KLF7: variants seen among roughly 807,000 people sequenced by gnomAD.
KLF7 encodes the protein KLF transcription factor 7, also known as Krueppel-like factor 7.
A neutral mutation model predicts 27.3 loss-of-function variants in KLF7; 2 were observed. The ratio of observed to expected loss-of-function variants is 0.07; its 90% CI spans 0.03 to 0.23. The LOEUF is 0.23. KLF7 is among the 10% of genes least tolerant of loss of function. The pLI is 1.00. For synonymous variants in KLF7, 165 were observed against 162.4 expected (o/e 1.02, Z -0.12); for missense variants, 221 against 394.1 (o/e 0.56, Z 3.72).
chr2:207,123,692 C>T, intron 2 of KLF7, 82 bp downstream of exon 2: 1 of 1,480,384 alleles, frequency 6.8e-7, no homozygotes. Flanking sequence ...TGCCACTCCT[C>T]AGAACAAAGA....
At chr2:207,146,370 T>C (rs973710415) in intron 1 of KLF7, among the ~76,000 whole-genome samples, 1 of 152,236 alleles carries the variant, frequency 6.6e-6, no homozygotes, top group Non-Finnish European at 1.5e-5. Context: ...AGTCACTTTC[T>C]GGCCTATGCT....
chr2:207,149,645 G>A (rs1478850572), intron 1 of KLF7, among the ~76,000 whole-genome samples: 1 of 152,162 alleles, frequency 6.6e-6, no homozygotes, highest in African/African-American at 2.4e-5. Context: ...TGACACCTGG[G>A]CTCCCCAATC....
Position 207,124,408 on chromosome 2 carries a change from C to T in KLF7, c.103-4G>A, listed in dbSNP as rs1490780526. The T allele has an allele frequency of 6.5e-7, 1 of 1,545,058 alleles. No homozygotes were observed. The highest frequency in any genetic ancestry group is 1.9e-5 in the Admixed American group (1 of 52,188). ...AGCGTTCCAATTCAAGGCATGTCTG[C>T]AAGAGGAAGAAGGAGGGAGAGAAAC... On this transcript the variant is annotated splice_polypyrimidine_tract_variant and splice_region_variant and intron_variant, in intron 1 of 3. Transcript: ENST00000309446.
chr2:207,157,626 G>A (rs978631696), intron 1 of KLF7, among the ~76,000 whole-genome samples: 2 of 152,162 alleles, frequency 1.3e-5, no homozygotes, highest in African/African-American at 2.4e-5. Flanking sequence ...TTGAAAGCAG[G>A]CCACCTGGGG....
At chr2:207,168,001 G>A (rs1214868654), upstream of KLF7, among the ~76,000 whole-genome samples, 1 of 152,162 alleles carries the variant, frequency 6.6e-6, no homozygotes, top group African/African-American at 2.4e-5. Context: ...TTGCTAGTTT[G>A]TTACAAGGTC....
At chr2:207,103,494 T>C (rs1263608) in intron 2 of KLF7, among the ~76,000 whole-genome samples, 60,642 of 152,120 alleles carry the variant, frequency 0.4, 12,714 homozygotes, top group African/African-American at 0.52. Flanking sequence ...TGGGTCTTTG[T>C]CACAAAAGCT....
intron 2 of KLF7, among the ~76,000 whole-genome samples, chr2:207,111,288 C>G (rs964450413): frequency 2.6e-5 from 4 of 152,172 alleles, no homozygotes; most frequent in Admixed American, 2.6e-4. Flanking sequence ...TTCTTAGCCT[C>G]AGAAGTTCTT....
chr2:207,146,296 G>A (rs1428835352), intron 1 of KLF7, among the ~76,000 whole-genome samples: 1 of 152,058 alleles, frequency 6.6e-6, no homozygotes, highest in Non-Finnish European at 1.5e-5. Context: ...GGTTACTTTG[G>A]GGGAATTCAA....
intron 1 of KLF7, among the ~76,000 whole-genome samples, chr2:207,161,309 A>C (rs2078539178): frequency 6.6e-6 from 1 of 152,240 alleles, no homozygotes; most frequent in African/African-American, 2.4e-5. Context: ...TTTCAAATAA[A>C]GAAACAGATT....
Position 207,123,975 on chromosome 2 carries a change from C to T in KLF7, c.532G>A (p.Val178Met), listed in dbSNP as rs550809782. The change falls in exon 2 of 4, where the codon GTG becomes ATG. Residue 178 changes from valine (V) to methionine (M), a missense_variant. This residue lies in a region of KLF7 where 180 missense variants were observed against 227.9 expected (regional missense o/e 0.79). Transcript: ENST00000309446. ...AKKAALSSVKVGGVATAAAAV... is the reference protein window; with the variant it reads ...AKKAALSSVKMGGVATAAAAV... The stretch of plus-strand genomic sequence containing the variant: ...GCTGCAGCTGTTGCGACCCCTCCCA[C>T]CTTTACGGAGCTGAGAGCAGCCTTC... 6.2e-7 allele frequency: 1 copy of T among 1,614,232 alleles called. No homozygotes were observed. Among genetic ancestry groups the T allele is most frequent in the South Asian group, 1.1e-5 (1 of 91,084 alleles).
At chr2:207,088,391 GCTGCTCACC>G (rs763999747) in intron 3 of KLF7, 58 bp downstream of exon 3, 20 of 1,552,706 alleles carry the variant, frequency 1.3e-5, no homozygotes, top group Non-Finnish European at 1.8e-5. Flanking sequence ...GCACACGGGT[GCTGCTCACC>G]CTCCAACCCA....
chr2:207,130,135 G>C (rs948399378), intron 1 of KLF7, among the ~76,000 whole-genome samples: 2 of 93,156 alleles, frequency 2.1e-5, no homozygotes, highest in Non-Finnish European at 5.0e-5. Flanking sequence ...TTACCTAAAG[G>C]GTTTCTTTCC....
At chr2:207,133,744 A>AG (rs754937894) in intron 1 of KLF7, among the ~76,000 whole-genome samples, 1 of 151,914 alleles carries the variant, frequency 6.6e-6, no homozygotes, top group African/African-American at 2.4e-5. Context: ...TAAGAGGGGG[A>AG]GGGGGGGAGC....
intron 1 of KLF7, among the ~76,000 whole-genome samples, chr2:207,131,398 T>C (rs2077630363): frequency 1.3e-5 from 2 of 152,234 alleles, no homozygotes; most frequent in Non-Finnish European, 2.9e-5. Context: ...ACCCCTTGCC[T>C]TTCTCCTGGG....
chr2:207,166,821 AGAG>A (rs1160421259), upstream of KLF7: 10 of 1,014,600 alleles, frequency 9.9e-6, no homozygotes, highest in Middle Eastern at 4.8e-4. Context: ...GCCAGGGTGC[AGAG>A]AAGAAGCGCC....
chr2:207,099,097 TC>T, intron 2 of KLF7, among the ~76,000 whole-genome samples: 1 of 152,144 alleles, frequency 6.6e-6, no homozygotes, highest in South Asian at 2.1e-4. Context: ...AAAGGAAACT[TC>T]CCCTAAAAAT....
chr2:207,124,096 CG>C lies in KLF7; in HGVS notation c.410del (p.Thr137SerfsTer26). 6.2e-7 allele frequency: 1 copy of C among 1,614,060 alleles called. No homozygotes were observed. Among genetic ancestry groups the C allele is most frequent in the Non-Finnish European group, 8.5e-7 (1 of 1,180,010 alleles). The stretch of plus-strand genomic sequence containing the variant: ...GGCTGAGCTCAGGGGACGATGGGGG[CG>C]TTAATGAGGTCACTGCGTTGAGCTG... ...QAQLNAVTSL[T>X]PPSSPELSRH... On this transcript the variant is annotated frameshift_variant, in exon 2 of 4. Coordinates refer to ENST00000309446, the MANE Select transcript of KLF7 (RefSeq NM_003709.4). LOFTEE classifies it high-confidence loss of function.
the KLF7 span, chr2:207,173,538 C>T: frequency 3.3e-5 from 5 of 151,936 alleles, no homozygotes; most frequent in Non-Finnish European, 5.9e-5. Flanking sequence ...TAACCAAGAA[C>T]TCTTATTATC....
the KLF7 span, among the ~76,000 whole-genome samples, chr2:207,172,955 T>C: frequency 1.3e-5 from 2 of 151,572 alleles, no homozygotes; most frequent in African/African-American, 2.4e-5. Flanking sequence ...GGGGACTAAT[T>C]TATAAGTGGT....
Sources: allele counts gnomAD v4.1 joint callset (sites outside exome capture counted in the v4.1 genomes callset), GRCh38; gene constraint gnomAD v4.1.1; regional missense constraint gnomAD v4.1.1; transcripts MANE v1.5; gene names NCBI Gene and HGNC (gene_info 2026-07-23, HGNC 2026-07-21).